The following GRIA1 variants were observed in gnomAD, a reference collection of about 807,000 sequenced individuals.
The protein encoded by GRIA1 is glutamate ionotropic receptor AMPA type subunit 1.
A neutral mutation model predicts 99.2 loss-of-function variants in GRIA1; 31 were observed. That is an observed-to-expected ratio of 0.31 (90% CI 0.23 to 0.42). The LOEUF (loss-of-function observed/expected upper bound fraction) is 0.42, where lower values mean the gene tolerates loss of function less well. Ranked by LOEUF, GRIA1 falls within the 10% of genes least tolerant of loss-of-function variation. The pLI is 1.00. For synonymous variants in GRIA1, 438 were observed against 432.4 expected, an observed-to-expected ratio of 1.01 and a Z score of -0.16; for missense variants, 782 against 1,157.5, an observed-to-expected ratio of 0.68 and a Z score of 4.71.
intron 2 of GRIA1, among the ~76,000 whole-genome samples, chr5:153,503,527 C>T (rs1252667851): frequency 6.6e-6 from 1 of 152,104 alleles, no homozygotes; most frequent in African/African-American, 2.4e-5. Context: ...TAAAATGTAA[C>T]TAATTAATTT....
chr5:153,723,079 T>C (rs193257182), intron 11 of GRIA1, among the ~76,000 whole-genome samples: 74 of 152,288 alleles, frequency 4.9e-4, no homozygotes, highest in Admixed American at 9.2e-4. Flanking sequence ...ATCTTTCATT[T>C]AAATTAACCT....
chr5:153,684,757 T>C (rs1438223776), intron 7 of GRIA1, among the ~76,000 whole-genome samples: 1 of 152,216 alleles, frequency 6.6e-6, no homozygotes, highest in Admixed American at 6.5e-5. Flanking sequence ...TTCTTTGTAG[T>C]AGAATCTGTA....
intron 2 of GRIA1, among the ~76,000 whole-genome samples, chr5:153,548,795 G>A (rs1353091): frequency 0.064 from 9,694 of 152,186 alleles, 397 homozygotes; most frequent in South Asian, 0.15. Context: ...CTTTAGACCT[G>A]CTATTCATAT....
At chr5:153,578,668 G>C (rs1282308473) in intron 2 of GRIA1, among the ~76,000 whole-genome samples, 1 of 152,174 alleles carries the variant, frequency 6.6e-6, no homozygotes, top group African/African-American at 2.4e-5. Flanking sequence ...CAGCACTTTG[G>C]GAGCCCAAGG....
At chr5:153,616,711 TCA>T (rs1208153275) in intron 2 of GRIA1, among the ~76,000 whole-genome samples, 2 of 152,200 alleles carry the variant, frequency 1.3e-5, no homozygotes, top group Non-Finnish European at 2.9e-5. Context: ...ATCAGATGGT[TCA>T]ACTAATATAC....
At chr5:153,536,178 A>G (rs1404685028) in intron 2 of GRIA1, among the ~76,000 whole-genome samples, 2 of 152,138 alleles carry the variant, frequency 1.3e-5, no homozygotes, top group Non-Finnish European at 2.9e-5. Context: ...TCTAAACAAT[A>G]GCCAGATTTC....
intron 2 of GRIA1, among the ~76,000 whole-genome samples, chr5:153,533,857 T>C (rs1758309512): frequency 6.6e-6 from 1 of 152,248 alleles, no homozygotes; most frequent in South Asian, 2.1e-4. Context: ...AATAGTCCTC[T>C]GAAGTCTAAT....
chr5:153,801,967 G>A (rs903497216), intron 14 of GRIA1, among the ~76,000 whole-genome samples: 1 of 146,794 alleles, frequency 6.8e-6, no homozygotes, highest in African/African-American at 2.5e-5. Context: ...GGGGGCGGGG[G>A]GCAGGAATGG....
chr5:153,580,609 T>C (rs1049820344), intron 2 of GRIA1, among the ~76,000 whole-genome samples: 1 of 152,338 alleles, frequency 6.6e-6, no homozygotes, highest in East Asian at 1.9e-4. Flanking sequence ...ATGAGGTTCC[T>C]CTGGGATAAA....
rs538122549 is a variant in GRIA1 at position 153,519,357 on chromosome 5, A to AACAGG, written c.220+25293_220+25297dup. On this transcript the variant is annotated intron_variant, in intron 2 of 15. Coordinates refer to ENST00000285900, the MANE Select transcript of GRIA1 (RefSeq NM_000827.4). ...GAGTTGGGGCTCAGCACTCTGTTTTAACAGGCCCCGCAGATGATTCTGAAG... is the reference window on the plus strand; with the variant it reads ...GAGTTGGGGCTCAGCACTCTGTTTTAACAGGACAGGCCCCGCAGATGATTCTGAAG... Among the ~76,000 whole-genome samples the AACAGG allele has an allele frequency of 1.4e-3, 212 of 152,114 alleles. 3 individuals are homozygous for AACAGG. Among genetic ancestry groups the AACAGG allele is most frequent in the African/African-American group, 4.8e-3 (200 of 41,508 alleles).
chr5:153,678,629 CT>C (rs1756759902), intron 7 of GRIA1, among the ~76,000 whole-genome samples: 2 of 152,216 alleles, frequency 1.3e-5, no homozygotes, highest in Admixed American at 1.3e-4. Context: ...GAGACAGATT[CT>C]GTTTGCAATG....
At chr5:153,750,617 T>C (rs1199685526) in intron 11 of GRIA1, among the ~76,000 whole-genome samples, 1 of 152,142 alleles carries the variant, frequency 6.6e-6, no homozygotes, top group African/African-American at 2.4e-5. Context: ...GAAGGCCCCC[T>C]GCCTTAGTGT....
chr5:153,764,754 A>AC, intron 12 of GRIA1, 122 bp downstream of exon 12: 1 of 675,910 alleles, frequency 1.5e-6, no homozygotes, highest in Non-Finnish European at 2.6e-6. Context: ...AACTGACTGT[A>AC]AGTCAGGGAA....
intron 2 of GRIA1, among the ~76,000 whole-genome samples, chr5:153,553,658 A>G (rs1269946226): frequency 2.0e-5 from 3 of 152,130 alleles, no homozygotes; most frequent in Non-Finnish European, 2.9e-5. Context: ...TTCTTCCCTT[A>G]CCAGTATTCG....
intron 11 of GRIA1, among the ~76,000 whole-genome samples, chr5:153,708,640 T>C (rs956694449): frequency 2.0e-5 from 3 of 152,268 alleles, no homozygotes. Flanking sequence ...TTTTTTATTA[T>C]GTTAATTGAT....
At chr5:153,789,290 T>A (rs1765154937) in intron 13 of GRIA1, among the ~76,000 whole-genome samples, 1 of 151,388 alleles carries the variant, frequency 6.6e-6, no homozygotes, top group South Asian at 2.1e-4. Flanking sequence ...CCTTCCTTTG[T>A]ATGATTCTAA....
At chr5:153,591,940 GA>G (rs1395392264) in intron 2 of GRIA1, among the ~76,000 whole-genome samples, 1 of 152,218 alleles carries the variant, frequency 6.6e-6, no homozygotes, top group Non-Finnish European at 1.5e-5. Context: ...GTACCCGGAA[GA>G]AAAAGAAGTG....
chr5:153,766,787 G>T (rs1184945742), intron 12 of GRIA1, among the ~76,000 whole-genome samples: 1 of 152,198 alleles, frequency 6.6e-6, no homozygotes, highest in Non-Finnish European at 1.5e-5. Flanking sequence ...GAAGAAAATG[G>T]TCATGCCCTA....
intron 11 of GRIA1, among the ~76,000 whole-genome samples, chr5:153,706,325 G>A (rs915827902): frequency 6.6e-6 from 1 of 151,762 alleles, no homozygotes; most frequent in Non-Finnish European, 1.5e-5. Context: ...TGACTGATGC[G>A]TTGTAGCTGA....
Sources: allele counts gnomAD v4.1 joint callset (sites outside exome capture counted in the v4.1 genomes callset), GRCh38; gene constraint gnomAD v4.1.1; transcripts MANE v1.5; gene names NCBI Gene and HGNC (gene_info 2026-07-23, HGNC 2026-07-21).